The following NTRK2 variants were observed in gnomAD, a reference collection of about 807,000 sequenced individuals.
The protein encoded by NTRK2 is neurotrophic receptor tyrosine kinase 2, also known as BDNF/NT-3 growth factors receptor.
Under a neutral mutation model 94.5 loss-of-function variants are expected in NTRK2, and 13 were observed. The observed-to-expected ratio is 0.14, with a 90% CI of 0.09 to 0.22. The LOEUF (loss-of-function observed/expected upper bound fraction) is 0.22. Among genes scored for constraint, NTRK2 ranks in the 10% least tolerant of loss-of-function variants. The probability of loss-of-function intolerance (pLI) is 1.00; values close to 1 mark genes in which losing one functional copy is unlikely to be tolerated. For synonymous variants in NTRK2, 372 were observed against 407.4 expected (o/e 0.91, Z 1.05); for missense variants, 639 against 1,071.2 (o/e 0.60, Z 5.63).
At chr9:84,864,550 G>T (rs756357505) in intron 13 of NTRK2, among the ~76,000 whole-genome samples, 1 of 152,114 alleles carries the variant, frequency 6.6e-6, no homozygotes, top group East Asian at 1.9e-4. Context: ...GGGGGTAAAG[G>T]TGGTGCCTGG....
intron 11 of NTRK2, among the ~76,000 whole-genome samples, chr9:84,748,628 A>G (rs2064303641): frequency 6.6e-6 from 1 of 152,192 alleles, no homozygotes; most frequent in African/African-American, 2.4e-5. Flanking sequence ...GTACTGCTGC[A>G]TGGTTGGGGG....
intron 6 of NTRK2, among the ~76,000 whole-genome samples, chr9:84,721,492 C>A (rs2062064557): frequency 6.6e-6 from 1 of 152,102 alleles, no homozygotes; most frequent in Admixed American, 6.5e-5. Flanking sequence ...TCATAATAAT[C>A]TTTATGTCTC....
chr9:84,944,166 T>C (rs1423266126), intron 15 of NTRK2, among the ~76,000 whole-genome samples: 1 of 151,202 alleles, frequency 6.6e-6, no homozygotes, highest in Non-Finnish European at 1.5e-5. Context: ...CTCTTTCAGG[T>C]TGGCGTTTCA....
intron 2 of NTRK2, among the ~76,000 whole-genome samples, chr9:84,690,672 T>A (rs2059995510): frequency 6.6e-6 from 1 of 151,192 alleles, no homozygotes; most frequent in African/African-American, 2.4e-5. Flanking sequence ...TGAGCCAAGA[T>A]CACGCCACTG....
At chr9:84,885,165 C>G (rs1252001018) in intron 14 of NTRK2, among the ~76,000 whole-genome samples, 1 of 152,168 alleles carries the variant, frequency 6.6e-6, no homozygotes, top group East Asian at 1.9e-4. Flanking sequence ...GAGGTCCCTC[C>G]AGGCTACTCA....
chr9:84,779,088 A>G (rs2067318378), intron 12 of NTRK2, among the ~76,000 whole-genome samples: 1 of 152,128 alleles, frequency 6.6e-6, no homozygotes, highest in African/African-American at 2.4e-5. Flanking sequence ...TCAATTACTT[A>G]TTTATCAGAT....
At chr9:85,011,555 G>T (rs76381556) in intron 17 of NTRK2, among the ~76,000 whole-genome samples, 2 of 152,122 alleles carry the variant, frequency 1.3e-5, no homozygotes, top group Non-Finnish European at 2.9e-5. Context: ...GCTCTCGCTC[G>T]CTGTGACTTC....
intron 17 of NTRK2, among the ~76,000 whole-genome samples, chr9:84,983,277 A>G (rs1277152971): frequency 2.0e-5 from 3 of 152,200 alleles, no homozygotes; most frequent in African/African-American, 7.2e-5. Flanking sequence ...GGTGAGGCAT[A>G]CAACCACTTA....
At chr9:84,749,016 G>A (rs933786201) in intron 11 of NTRK2, among the ~76,000 whole-genome samples, 5 of 152,094 alleles carry the variant, frequency 3.3e-5, no homozygotes, top group Admixed American at 6.5e-5. Flanking sequence ...ATCACCTGAG[G>A]TTGGGAGTTC....
intron 12 of NTRK2, among the ~76,000 whole-genome samples, chr9:84,761,696 G>C (rs2065581138): frequency 6.6e-6 from 1 of 152,134 alleles, no homozygotes; most frequent in African/African-American, 2.4e-5. Flanking sequence ...ATGAAATACT[G>C]CATCTGGAGC....
intron 13 of NTRK2, among the ~76,000 whole-genome samples, chr9:84,864,996 C>T (rs536966947): frequency 2.6e-5 from 4 of 152,126 alleles, no homozygotes; most frequent in African/African-American, 4.8e-5. Flanking sequence ...GCCTCGGCCT[C>T]CCAAAGTGCT....
At chr9:85,015,499 C>T (rs1832116273) in intron 17 of NTRK2, among the ~76,000 whole-genome samples, 1 of 152,166 alleles carries the variant, frequency 6.6e-6, no homozygotes, top group South Asian at 2.1e-4. Context: ...TCAAGGAACA[C>T]ATTGAGAATT....
At chr9:84,815,194 T>G in intron 12 of NTRK2, 2 of 1,057,070 alleles carry the variant, frequency 1.9e-6, no homozygotes, top group Non-Finnish European at 2.3e-6. Context: ...GAGGTAACTC[T>G]AAGTTGAATT....
At chr9:84,692,460 CTT>C (rs1175762583) in intron 2 of NTRK2, among the ~76,000 whole-genome samples, 9 of 122,078 alleles carry the variant, frequency 7.4e-5, no homozygotes, top group African/African-American at 2.8e-4. Context: ...TCTTTTTTTT[CTT>C]TTTTTCTTTT....
At chr9:84,940,388 C>T (rs1035960611) in intron 15 of NTRK2, among the ~76,000 whole-genome samples, 3 of 152,154 alleles carry the variant, frequency 2.0e-5, no homozygotes, top group African/African-American at 4.8e-5. Flanking sequence ...CAGGGAATCT[C>T]CTTGGGACTC....
At chr9:84,843,042 T>A (rs2074269937) in intron 12 of NTRK2, among the ~76,000 whole-genome samples, 1 of 152,192 alleles carries the variant, frequency 6.6e-6, no homozygotes, top group African/African-American at 2.4e-5. Context: ...GCTGAATGAA[T>A]TCCCCAGCAC....
intron 17 of NTRK2, among the ~76,000 whole-genome samples, chr9:84,957,492 G>A (rs1289781494): frequency 6.6e-6 from 1 of 152,170 alleles, no homozygotes; most frequent in Admixed American, 6.5e-5. Flanking sequence ...TGGTCAATAA[G>A]CACATGAAAA....
intron 12 of NTRK2, among the ~76,000 whole-genome samples, chr9:84,792,485 G>T (rs2068829993): frequency 6.6e-6 from 1 of 152,140 alleles, no homozygotes; most frequent in Non-Finnish European, 1.5e-5. Flanking sequence ...GTCAAATTCA[G>T]ATGAAAATTC....
intron 14 of NTRK2, among the ~76,000 whole-genome samples, chr9:84,903,915 T>C (rs1027476582): frequency 3.3e-5 from 5 of 152,186 alleles, no homozygotes; most frequent in African/African-American, 1.2e-4. Context: ...TGTTCAAAAC[T>C]AGTGAAACTA....
Sources: allele counts gnomAD v4.1 joint callset (sites outside exome capture counted in the v4.1 genomes callset), GRCh38; gene constraint gnomAD v4.1.1; transcripts MANE v1.5; gene names NCBI Gene and HGNC (gene_info 2026-07-23, HGNC 2026-07-21).